BAZ1B: variants seen among roughly 807,000 people sequenced by gnomAD.
BAZ1B encodes the protein bromodomain adjacent to zinc finger domain 1B, also known as tyrosine-protein kinase BAZ1B.
In BAZ1B, 22 loss-of-function variants were observed where a neutral mutation model predicts 153.8. The observed-to-expected ratio is 0.14, with a 90% CI of 0.10 to 0.20. The LOEUF (loss-of-function observed/expected upper bound fraction) is 0.20, where lower values mean the gene tolerates loss of function less well. BAZ1B is among the 10% of genes least tolerant of loss of function. The pLI, the probability that BAZ1B is intolerant of heterozygous loss-of-function variation, is 1.00. For synonymous variants in BAZ1B, 676 were observed against 633.4 expected (o/e 1.07, Z -1.01); for missense variants, 1,325 against 1,799.3 (o/e 0.74, Z 4.77).
chr7:73,474,129 A>G (rs1788913239), intron 7 of BAZ1B, among the ~76,000 whole-genome samples: 1 of 152,196 alleles, frequency 6.6e-6, no homozygotes, highest in Non-Finnish European at 1.5e-5. Context: ...AAATAAGCCA[A>G]CGTATCCTAC....
At chr7:73,494,948 A>T (rs1338262595) in intron 4 of BAZ1B, among the ~76,000 whole-genome samples, 2 of 152,238 alleles carry the variant, frequency 1.3e-5, no homozygotes, top group Admixed American at 6.5e-5. Context: ...GGATACAAGA[A>T]GAGTGAAGTC....
At chr7:73,520,195 A>T (rs975354299) in intron 1 of BAZ1B, among the ~76,000 whole-genome samples, 2 of 140,490 alleles carry the variant, frequency 1.4e-5, no homozygotes, top group Non-Finnish European at 3.1e-5. Context: ...GGTTAACAAG[A>T]GGGAAACTCC....
chr7:73,478,567 A>G lies in BAZ1B; in HGVS notation c.894T>C (p.Tyr298=). ...TCTTAGTAGAAGGGTTGAGAGTCAT[A>G]TACTAGAATTTAAGAATAGGAGCAA... ...FSDFLLDPYK[Y]MTLNPSTKRK... is the part of the protein sequence containing the mutation. The change falls in exon 7 of 20, where the codon TAT becomes TAC. Residue 298 remains tyrosine (Y), a splice_region_variant and synonymous_variant. Coordinates refer to ENST00000339594, the MANE Select transcript of BAZ1B (RefSeq NM_032408.4). The G allele has an allele frequency of 1.3e-6, 2 of 1,501,870 alleles. No individual in the cohort carries two copies. Among genetic ancestry groups the G allele is most frequent in the Non-Finnish European group, 1.8e-6 (2 of 1,126,012 alleles). The allele number at this position is 1,501,870 out of a possible 1,614,324, so 93.0% of individuals were successfully genotyped here. A position where few individuals can be genotyped will look rare whatever the true frequency, so the allele number is the denominator to read the frequency against.
chr7:73,466,046 T>A (rs1182285081), intron 10 of BAZ1B, among the ~76,000 whole-genome samples: 2 of 152,072 alleles, frequency 1.3e-5, no homozygotes, highest in Non-Finnish European at 2.9e-5. Flanking sequence ...CTATATAAGA[T>A]CTATCACATA....
chr7:73,489,665 C>G (rs1264506968), intron 5 of BAZ1B, among the ~76,000 whole-genome samples: 1 of 152,096 alleles, frequency 6.6e-6, no homozygotes, highest in African/African-American at 2.4e-5. Flanking sequence ...AATCAAAATA[C>G]GCCAATAGTC....
At chr7:73,513,513 G>C (rs1790668742) in intron 1 of BAZ1B, among the ~76,000 whole-genome samples, 1 of 152,068 alleles carries the variant, frequency 6.6e-6, no homozygotes, top group South Asian at 2.1e-4. Context: ...TCCATATACA[G>C]ATATGTAAAT....
chr7:73,485,638 AAAAAG>A (rs1789377152), intron 6 of BAZ1B, among the ~76,000 whole-genome samples: 1 of 151,958 alleles, frequency 6.6e-6, no homozygotes, highest in African/African-American at 2.4e-5. Flanking sequence ...AAAAAAAAAA[AAAAAG>A]AGAGAGAGAA....
At chr7:73,446,854 C>T (rs1425848126) in intron 16 of BAZ1B, among the ~76,000 whole-genome samples, 1 of 152,192 alleles carries the variant, frequency 6.6e-6, no homozygotes, top group Non-Finnish European at 1.5e-5. Flanking sequence ...TCACTGTAAC[C>T]AGACAGAAAA....
Position 73,478,750 on chromosome 7 carries a change from T to C in BAZ1B, c.892-181A>G, listed in dbSNP as rs782527455. On this transcript the variant is annotated intron_variant, in intron 6 of 19. Coordinates refer to ENST00000339594, the MANE Select transcript of BAZ1B (RefSeq NM_032408.4). Reference sequence around the variant, plus strand: ...TGAATGTTAGCTAATGTTTTTGTCATGTCAACACAAAATTCCCTTGACATC... The same window carrying C: ...TGAATGTTAGCTAATGTTTTTGTCACGTCAACACAAAATTCCCTTGACATC... Among the ~76,000 whole-genome samples, 7 of 152,376 alleles carry C rather than the reference T, an allele frequency of 4.6e-5. 1 individual carries two copies. The East Asian group carries it at 5.8e-4, about 13-fold the overall frequency.
At position 73,512,551 on chromosome 7, in the gene BAZ1B, G is replaced by A. The variant is rs187883379; in HGVS notation, c.108-1699C>T. 2.3e-3 allele frequency among the ~76,000 whole-genome samples: 355 copies of A among 152,244 alleles called. 2 individuals are homozygous for A. The highest frequency in any genetic ancestry group is 8.4e-3 in the African/African-American group (347 of 41,540). On this transcript the variant is annotated intron_variant, in intron 1 of 19. Coordinates refer to ENST00000339594, the MANE Select transcript of BAZ1B (RefSeq NM_032408.4). ...TTTAGACAGTCTTCGTGAGGGAGAC[G>A]AGGGAAAGAAAAACATCAAGTTGGT...
intron 13 of BAZ1B, 124 bp from the exon 14 acceptor site, chr7:73,451,118 A>G (rs1441290888): frequency 8.1e-7 from 1 of 1,241,812 alleles, no homozygotes; most frequent in African/African-American, 1.5e-5. Flanking sequence ...TCACTAATCT[A>G]AACCATTTAT....
chr7:73,479,892 G>A (rs1028731163), intron 6 of BAZ1B, among the ~76,000 whole-genome samples: 11 of 152,124 alleles, frequency 7.2e-5, no homozygotes, highest in Admixed American at 2.0e-4. Flanking sequence ...GGTCTCAGCT[G>A]GGTGTGGAGG....
Position 73,506,863 on chromosome 7 carries a change from A to G in BAZ1B, c.369+1464T>C, listed in dbSNP as rs553652733. On this transcript the variant is annotated intron_variant, in intron 3 of 19. Transcript: ENST00000339594. ...CGAGACTCCACCTCAAAGAAAAAAAAAAAAAAAGTCTTAAAGTCTTTTTTT... is the reference window on the plus strand; with the variant it reads ...CGAGACTCCACCTCAAAGAAAAAAAGAAAAAAAGTCTTAAAGTCTTTTTTT... Among the ~76,000 whole-genome samples the G allele has an allele frequency of 2.7e-3, 405 of 148,746 alleles. 3 individuals are homozygous for G. The highest frequency in any genetic ancestry group is 9.8e-3 in the African/African-American group (396 of 40,608).
At chr7:73,504,619 G>A (rs782185401) in intron 3 of BAZ1B, among the ~76,000 whole-genome samples, 2 of 151,926 alleles carry the variant, frequency 1.3e-5, no homozygotes, top group East Asian at 1.9e-4. Context: ...AGCCGAGATC[G>A]CGCCACCGGA....
At chr7:73,480,052 C>A (rs1554573480) in intron 6 of BAZ1B, among the ~76,000 whole-genome samples, 1 of 151,762 alleles carries the variant, frequency 6.6e-6, no homozygotes, top group Non-Finnish European at 1.5e-5. Context: ...GCCTGTAGTC[C>A]CAGCTACTTG....
intron 6 of BAZ1B, among the ~76,000 whole-genome samples, chr7:73,481,175 C>T (rs573195107): frequency 1.7e-4 from 26 of 152,112 alleles, no homozygotes; most frequent in Non-Finnish European, 3.4e-4. Flanking sequence ...TGCCCACCTC[C>T]GCCTCCCAAA....
intron 1 of BAZ1B, among the ~76,000 whole-genome samples, chr7:73,514,117 C>T (rs556291149): frequency 1.3e-5 from 2 of 152,198 alleles, no homozygotes; most frequent in Admixed American, 6.5e-5. Flanking sequence ...CTTCCTTTGA[C>T]GATCATGTTG....
Position 73,478,120 on chromosome 7 carries a change from C to A in BAZ1B, c.1341G>T (p.Thr447=). The stretch of plus-strand genomic sequence containing the variant: ...TCCGTGGGGCTCGTGTCATCTTCTG[C>A]GTGCCTTTGGCCATATCCAACAAAG... The part of the protein sequence containing the change: ...QMTLLDMAKG[T]QKMTRAPRNS... Residue 447 remains threonine, a synonymous_variant, in exon 7 of 20, where the codon ACG becomes ACT. Transcript: ENST00000339594. 6.2e-7 allele frequency: 1 copy of A among 1,614,190 alleles called. No individual in the cohort carries two copies. The highest frequency in any genetic ancestry group is 8.5e-7 in the Non-Finnish European group (1 of 1,180,056).
At chr7:73,461,317 AAAAAG>A (rs1279362400) in intron 12 of BAZ1B, among the ~76,000 whole-genome samples, 8 of 152,204 alleles carry the variant, frequency 5.3e-5, no homozygotes, top group African/African-American at 1.2e-4. Flanking sequence ...ATTTAAAAAT[AAAAAG>A]AAAAGAAATA....
Sources: allele counts gnomAD v4.1 joint callset (sites outside exome capture counted in the v4.1 genomes callset), GRCh38; gene constraint gnomAD v4.1.1; transcripts MANE v1.5; gene names NCBI Gene and HGNC (gene_info 2026-07-23, HGNC 2026-07-21).